Variants in SPIDR observed in about 807,000 individuals in gnomAD.
SPIDR encodes scaffold protein involved in DNA repair, also known as DNA repair-scaffolding protein.
SPIDR carries 93 observed loss-of-function variants against 104.6 expected under a neutral mutation model. That is an observed-to-expected ratio of 0.89 (90% CI 0.75 to 1.06). SPIDR has a LOEUF of 1.06. Among genes scored for constraint, SPIDR ranks in the 50% least tolerant of loss-of-function variants. The pLI, the probability that SPIDR is intolerant of heterozygous loss-of-function variation, is 0.00. For synonymous variants in SPIDR, 431 were observed against 416.9 expected (o/e 1.03, Z -0.41); for missense variants, 1,154 against 1,111.2 (o/e 1.04, Z -0.55).
chr8:47,365,266 G>A (rs2056972757), intron 5 of SPIDR, among the ~76,000 whole-genome samples: 1 of 152,184 alleles, frequency 6.6e-6, no homozygotes, highest in African/African-American at 2.4e-5. Context: ...AGAAAGGATG[G>A]AAGCCTCCTC....
chr8:47,669,059 T>C (rs753955483), intron 10 of SPIDR, among the ~76,000 whole-genome samples: 1 of 152,184 alleles, frequency 6.6e-6, no homozygotes, highest in African/African-American at 2.4e-5. Flanking sequence ...TCTCTTATTT[T>C]GTGTTAAAAA....
At chr8:47,652,615 A>G (rs1392870135) in intron 10 of SPIDR, among the ~76,000 whole-genome samples, 2 of 152,274 alleles carry the variant, frequency 1.3e-5, no homozygotes, top group African/African-American at 4.8e-5. Flanking sequence ...TGAAAAATGT[A>G]TCAAAACAAT....
intron 8 of SPIDR, among the ~76,000 whole-genome samples, chr8:47,517,759 G>A (rs1360815648): frequency 1.3e-5 from 2 of 152,090 alleles, no homozygotes; most frequent in South Asian, 2.1e-4. Context: ...GCTAATTTTC[G>A]TGGTTTCATT....
At chr8:47,448,218 T>C (rs1443590587) in intron 8 of SPIDR, among the ~76,000 whole-genome samples, 2 of 152,216 alleles carry the variant, frequency 1.3e-5, no homozygotes, top group Non-Finnish European at 2.9e-5. Flanking sequence ...AAACATTCAA[T>C]TCAAAAATTT....
chr8:47,396,083 A>G (rs991727926), intron 5 of SPIDR, among the ~76,000 whole-genome samples: 27 of 152,188 alleles, frequency 1.8e-4, no homozygotes, highest in African/African-American at 6.0e-4. Flanking sequence ...GATTGCCTCT[A>G]TGTGTGGTAC....
At position 47,674,435 on chromosome 8, in the gene SPIDR, T is replaced by A. The variant is rs532252038; in HGVS notation, c.1685+494T>A. On this transcript the variant is annotated intron_variant, in intron 11 of 19. Coordinates refer to ENST00000297423, the MANE Select transcript of SPIDR (RefSeq NM_001080394.4). ...TTGTTTTTGATAGGCAGAGGTGGAG[T>A]GTTACAAAGATCTGGCCTATCTGTG... Among the ~76,000 whole-genome samples, 10 of 152,166 alleles carry A rather than the reference T, an allele frequency of 6.6e-5. No individual in the cohort carries two copies. In the East Asian group the frequency reaches 1.7e-3, roughly 26 times the overall value.
At chr8:47,674,051 T>G in intron 11 of SPIDR, 110 bp downstream of exon 11, 7 of 1,361,026 alleles carry the variant, frequency 5.1e-6, no homozygotes, top group Non-Finnish European at 6.8e-6. Context: ...ACCAGGATCC[T>G]AGAGTTTGCC....
intron 11 of SPIDR, among the ~76,000 whole-genome samples, chr8:47,689,381 A>C (rs1399575575): frequency 6.6e-6 from 1 of 152,220 alleles, no homozygotes; most frequent in Non-Finnish European, 1.5e-5. Flanking sequence ...GAAACAGTGA[A>C]GTGTAAAAGT....
intron 10 of SPIDR, among the ~76,000 whole-genome samples, chr8:47,611,397 A>T (rs373775896): frequency 1.3e-5 from 2 of 152,050 alleles, no homozygotes; most frequent in South Asian, 2.1e-4. Context: ...TTGGGTGAAG[A>T]TGTTTATAAA....
intron 5 of SPIDR, among the ~76,000 whole-genome samples, chr8:47,323,327 A>G (rs142321132): frequency 6.6e-6 from 1 of 152,294 alleles, no homozygotes; most frequent in African/African-American, 2.4e-5. Context: ...TTGTCATATA[A>G]TTCTTTTATC....
intron 10 of SPIDR, among the ~76,000 whole-genome samples, chr8:47,672,839 AG>A (rs1314010098): frequency 1.3e-5 from 2 of 152,318 alleles, no homozygotes; most frequent in East Asian, 3.9e-4. Context: ...TAGCAATCCA[AG>A]TAAAGGTGCT....
chr8:47,605,829 A>T (rs2062868363), intron 10 of SPIDR, among the ~76,000 whole-genome samples: 1 of 152,244 alleles, frequency 6.6e-6, no homozygotes, highest in Non-Finnish European at 1.5e-5. Flanking sequence ...CTTAAAAAAA[A>T]TAGTGGTAAA....
At chr8:47,408,904 G>A (rs1166323579) in intron 7 of SPIDR, among the ~76,000 whole-genome samples, 2 of 152,112 alleles carry the variant, frequency 1.3e-5, no homozygotes, top group African/African-American at 4.8e-5. Flanking sequence ...AATGAAATTC[G>A]GGACCGGGCA....
intron 8 of SPIDR, among the ~76,000 whole-genome samples, chr8:47,480,713 C>G (rs1304099942): frequency 6.6e-6 from 1 of 152,204 alleles, no homozygotes; most frequent in Non-Finnish European, 1.5e-5. Flanking sequence ...TGAGGCACAG[C>G]TGAGAGTCTG....
At chr8:47,545,873 T>C (rs1032542267) in intron 8 of SPIDR, among the ~76,000 whole-genome samples, 1 of 152,216 alleles carries the variant, frequency 6.6e-6, no homozygotes, top group Non-Finnish European at 1.5e-5. Flanking sequence ...GGTTTTTCTG[T>C]ACTGATTTAT....
At chr8:47,638,556 C>CT (rs1391491240) in intron 10 of SPIDR, among the ~76,000 whole-genome samples, 1 of 152,204 alleles carries the variant, frequency 6.6e-6, no homozygotes, top group African/African-American at 2.4e-5. Flanking sequence ...CCTCTTGCTA[C>CT]TGGGAGAGCT....
At chr8:47,621,241 C>T (rs913853169) in intron 10 of SPIDR, among the ~76,000 whole-genome samples, 3 of 152,228 alleles carry the variant, frequency 2.0e-5, no homozygotes, top group Admixed American at 1.3e-4. Context: ...AGGCGTGAGC[C>T]ACCACGCCCG....
At chr8:47,350,377 A>G (rs994757419) in intron 5 of SPIDR, among the ~76,000 whole-genome samples, 3 of 152,182 alleles carry the variant, frequency 2.0e-5, no homozygotes, top group Middle Eastern at 3.2e-3. Context: ...ACAGTGGCGC[A>G]ATCTCGGCCC....
At position 47,467,296 on chromosome 8, in the gene SPIDR, C is replaced by T. The variant is rs189057172; in HGVS notation, c.1097+26754C>T. On this transcript the variant is annotated intron_variant, in intron 8 of 19. Transcript: ENST00000297423. ...ATTCTACCAGATGTACAAAGAAGAG[C>T]TGGTATCATTCCTACTGAAACTATT... is the stretch of plus-strand genomic sequence containing the variant. Among the ~76,000 whole-genome samples the T allele has an allele frequency of 6.3e-4, 96 of 152,272 alleles. 2 individuals are homozygous for T. Among genetic ancestry groups the T allele is most frequent in the African/African-American group, 2.2e-3 (90 of 41,558 alleles).
Sources: allele counts gnomAD v4.1 joint callset (sites outside exome capture counted in the v4.1 genomes callset), GRCh38; gene constraint gnomAD v4.1.1; transcripts MANE v1.5; gene names NCBI Gene and HGNC (gene_info 2026-07-23, HGNC 2026-07-21).